Variants in HMCN1 observed in about 807,000 individuals in gnomAD.
The protein encoded by HMCN1 is hemicentin 1.
HMCN1 carries 321 observed loss-of-function variants against 625.9 expected under a neutral mutation model. The ratio of observed to expected loss-of-function variants is 0.51; its 90% CI spans 0.47 to 0.56. The LOEUF is 0.56. Ranked by LOEUF, HMCN1 falls within the 20% of genes least tolerant of loss-of-function variation. HMCN1 has a pLI of 0.00. For missense variants in HMCN1, 6,588 were observed against 6,887.3 expected (o/e 0.96, Z 1.54); for synonymous variants, 2,425 against 2,417.6 (o/e 1.00, Z -0.09).
chr1:185,852,172 C>T (rs778605002), intron 2 of HMCN1, among the ~76,000 whole-genome samples: 1 of 151,726 alleles, frequency 6.6e-6, no homozygotes, highest in Admixed American at 6.6e-5. Flanking sequence ...ATGAAATACC[C>T]TCAGATAGGC....
At chr1:186,183,758 C>G (rs1653098108) in intron 105 of HMCN1, among the ~76,000 whole-genome samples, 1 of 152,102 alleles carries the variant, frequency 6.6e-6, no homozygotes, top group Non-Finnish European at 1.5e-5. Context: ...ATCTATATGT[C>G]TAGAATAGTC....
intron 4 of HMCN1, among the ~76,000 whole-genome samples, chr1:185,878,174 G>C (rs752160555): frequency 3.9e-5 from 6 of 152,134 alleles, no homozygotes; most frequent in Non-Finnish European, 7.4e-5. Context: ...CTAGGTATAA[G>C]ATTATGTGAT....
intron 83 of HMCN1, among the ~76,000 whole-genome samples, chr1:186,128,932 G>A (rs1055101440): frequency 9.4e-5 from 14 of 149,136 alleles, no homozygotes; most frequent in Non-Finnish European, 1.5e-5. Flanking sequence ...TAAGTGTCTT[G>A]CTAGAAAAGT....
At chr1:185,834,677 C>A (rs1337991996) in intron 1 of HMCN1, among the ~76,000 whole-genome samples, 1 of 152,118 alleles carries the variant, frequency 6.6e-6, no homozygotes. Flanking sequence ...TACGTCCAGC[C>A]TATAGCCAAG....
chr1:185,846,339 G>A (rs1008026115), intron 2 of HMCN1, among the ~76,000 whole-genome samples: 7 of 152,088 alleles, frequency 4.6e-5, no homozygotes, highest in African/African-American at 7.2e-5. Context: ...ACACTATCAC[G>A]GCAGAGTTGA....
At chr1:185,919,626 C>T (rs1451269443) in intron 6 of HMCN1, among the ~76,000 whole-genome samples, 1 of 152,090 alleles carries the variant, frequency 6.6e-6, no homozygotes, top group East Asian at 1.9e-4. Flanking sequence ...TAAAGCAGTT[C>T]AGCATATTTC....
intron 2 of HMCN1, among the ~76,000 whole-genome samples, chr1:185,852,176 G>A (rs1662203312): frequency 6.6e-6 from 1 of 151,900 alleles, no homozygotes; most frequent in African/African-American, 2.4e-5. Flanking sequence ...AATACCCTCA[G>A]ATAGGCAAAG....
chr1:185,875,804 TG>T (rs1350813544), intron 4 of HMCN1, among the ~76,000 whole-genome samples: 4 of 152,146 alleles, frequency 2.6e-5, no homozygotes, highest in African/African-American at 9.6e-5. Flanking sequence ...TCTTTTTTTC[TG>T]GTCATAACTC....
At chr1:185,806,745 A>G (rs1659198128) in intron 1 of HMCN1, among the ~76,000 whole-genome samples, 1 of 152,178 alleles carries the variant, frequency 6.6e-6, no homozygotes, top group African/African-American at 2.4e-5. Context: ...TGAAAATTAA[A>G]TGTAACCCAC....
intron 16 of HMCN1, among the ~76,000 whole-genome samples, chr1:185,979,863 A>G (rs1243752727): frequency 6.6e-6 from 1 of 152,024 alleles, no homozygotes; most frequent in Non-Finnish European, 1.5e-5. Context: ...TGGTTCATAT[A>G]TTTACAAGAT....
chr1:186,110,977 C>CTTTTGTTTTTTTTTTTTTTTT (rs1660848038), intron 71 of HMCN1, among the ~76,000 whole-genome samples: 1 of 61,648 alleles, frequency 1.6e-5, no homozygotes, highest in African/African-American at 9.8e-5. Flanking sequence ...AGAGAAAATT[C>CTTTTGTTTTTTTTTTTTTTTT]TTTTTTTTTT....
At chr1:185,781,354 T>G (rs563170480) in intron 1 of HMCN1, among the ~76,000 whole-genome samples, 6 of 152,244 alleles carry the variant, frequency 3.9e-5, no homozygotes, top group Non-Finnish European at 8.8e-5. Context: ...CTCCTTCAGT[T>G]CTGCTCTAAT....
At chr1:185,985,989 G>T (rs901848078) in intron 19 of HMCN1, among the ~76,000 whole-genome samples, 4 of 152,122 alleles carry the variant, frequency 2.6e-5, no homozygotes, top group African/African-American at 9.7e-5. Flanking sequence ...GCCTAAATTT[G>T]CCACTTTTCT....
At position 186,165,183 on chromosome 1, in the gene HMCN1, G is replaced by C. The variant is rs751146056; in HGVS notation, c.15319+10G>C. On this transcript the variant is annotated intron_variant, in intron 98 of 106. Transcript: ENST00000271588. ...GGACCTTTTTGTGCTGGTAAGTACA[G>C]AGATAAATAAAGGGTTTTCTTTTAA... 1.4e-5 allele frequency: 22 copies of C among 1,609,706 alleles called. No homozygotes were observed. The highest frequency in any genetic ancestry group is 1.9e-5 in the Non-Finnish European group (22 of 1,176,090).
chr1:186,151,963 TTCTCC>T (rs1650699210), intron 95 of HMCN1, among the ~76,000 whole-genome samples: 2 of 152,196 alleles, frequency 1.3e-5, no homozygotes, highest in South Asian at 4.1e-4. Context: ...CTAAAAGTTT[TTCTCC>T]TCTCCTCTTT....
chr1:185,857,609 G>A (rs1662552026), intron 2 of HMCN1, among the ~76,000 whole-genome samples: 1 of 151,956 alleles, frequency 6.6e-6, no homozygotes, highest in Admixed American at 6.6e-5. Flanking sequence ...CAAACATAGG[G>A]GGAGTTAGCT....
chr1:186,007,194 T>G lies in HMCN1; in HGVS notation c.4542T>G (p.Asn1514Lys), dbSNP rs1449518720. 2.5e-6 allele frequency: 4 copies of G among 1,613,260 alleles called. No homozygotes were observed. Among genetic ancestry groups the G allele is most frequent in the Non-Finnish European group, 3.4e-6 (4 of 1,179,302 alleles). ...LDRGQVLHLK[N>K]ARRNDKGRYQ... ...GAGGACAAGTCTTACATTTAAAGAATGCACGGAGAAATGACAAGGGGCGCT... is the reference window on the plus strand; with the variant it reads ...GAGGACAAGTCTTACATTTAAAGAAGGCACGGAGAAATGACAAGGGGCGCT... Residue 1514 changes from asparagine to lysine, a missense_variant, in exon 30 of 107, where the codon AAT (asparagine) becomes AAG (lysine). By Grantham distance (94) the Asn-to-Lys change is moderately conservative (BLOSUM62 0). Coordinates refer to ENST00000271588, the MANE Select transcript of HMCN1 (RefSeq NM_031935.3).
intron 89 of HMCN1, among the ~76,000 whole-genome samples, chr1:186,143,788 C>A (rs1269999408): frequency 6.6e-6 from 1 of 152,156 alleles, no homozygotes; most frequent in Admixed American, 6.5e-5. Context: ...TGTTATACAG[C>A]CTTGTTCCCA....
At chr1:185,822,298 C>A (rs531464373) in intron 1 of HMCN1, among the ~76,000 whole-genome samples, 1 of 148,324 alleles carries the variant, frequency 6.7e-6, no homozygotes, top group Non-Finnish European at 1.5e-5. Context: ...GGTTGTGGGG[C>A]GGGGTGGGCA....
Sources: allele counts gnomAD v4.1 joint callset (sites outside exome capture counted in the v4.1 genomes callset), GRCh38; gene constraint gnomAD v4.1.1; transcripts MANE v1.5; gene names NCBI Gene and HGNC (gene_info 2026-07-23, HGNC 2026-07-21).